Variants in DLGAP1 observed in about 807,000 individuals in gnomAD.
The protein encoded by DLGAP1 is DLG associated protein 1, also known as disks large-associated protein 1.
A neutral mutation model predicts 90.8 loss-of-function variants in DLGAP1; 11 were observed. The observed-to-expected ratio is 0.12, with a 90% confidence interval of 0.08 to 0.20. The LOEUF (loss-of-function observed/expected upper bound fraction) is 0.20, where lower values mean the gene tolerates loss of function less well. Ranked by LOEUF, DLGAP1 falls within the 10% of genes least tolerant of loss-of-function variation. DLGAP1 has a pLI of 1.00. For missense variants in DLGAP1, 1,050 were observed against 1,333.8 expected, an observed-to-expected ratio of 0.79 and a Z score of 3.31; for synonymous variants, 558 against 540.7, an observed-to-expected ratio of 1.03 and a Z score of -0.44.
chr18:4,448,775 T>G (rs2083734252), intron 1 of DLGAP1, among the ~76,000 whole-genome samples: 1 of 152,062 alleles, frequency 6.6e-6, no homozygotes, highest in African/African-American at 2.4e-5. Context: ...TTCATGAAAA[T>G]ACCTAGAAGG....
At chr18:4,386,371 C>T (rs373474350) in intron 1 of DLGAP1, among the ~76,000 whole-genome samples, 1 of 152,120 alleles carries the variant, frequency 6.6e-6, no homozygotes, top group African/African-American at 2.4e-5. Context: ...ATTCACTGAC[C>T]TAGTAAACAT....
Position 3,534,246 on chromosome 18 carries a change from C to G in DLGAP1, c.2427G>C (p.Gly809=). Residue 809 remains glycine (G), a synonymous_variant, in exon 10 of 13, where the codon GGG becomes GGC. Transcript: ENST00000315677. ...CTTCCCGCTCCATCTGTTGACACCA[C>G]CCCTCCATGCGGTCTCGCTCTGCCT... ...LLQAERDRME[G]WCQQMEREER... 6.2e-7 allele frequency: 1 copy of G among 1,614,208 alleles called. No homozygotes were observed. Among genetic ancestry groups the G allele is most frequent in the Non-Finnish European group, 8.5e-7 (1 of 1,180,036 alleles).
chr18:4,298,537 A>C (rs1353857587), intron 1 of DLGAP1, among the ~76,000 whole-genome samples: 1 of 151,424 alleles, frequency 6.6e-6, no homozygotes, highest in Non-Finnish European at 1.5e-5. Context: ...AAAACCAAAC[A>C]CTGCATATTG....
At chr18:3,552,906 C>A (rs2053555068) in intron 9 of DLGAP1, among the ~76,000 whole-genome samples, 1 of 151,988 alleles carries the variant, frequency 6.6e-6, no homozygotes, top group South Asian at 2.1e-4. Flanking sequence ...TCAGCTTTCT[C>A]TGGTCTGCCA....
chr18:4,020,085 G>A (rs185367396), intron 2 of DLGAP1, among the ~76,000 whole-genome samples: 3 of 152,252 alleles, frequency 2.0e-5, no homozygotes, highest in Admixed American at 1.3e-4. Context: ...TAGGGGTTGT[G>A]GAGACCTAGG....
chr18:4,347,470 T>C (rs2081320947), intron 1 of DLGAP1, among the ~76,000 whole-genome samples: 1 of 152,054 alleles, frequency 6.6e-6, no homozygotes, highest in Non-Finnish European at 1.5e-5. Context: ...GCATGCATAG[T>C]ATTATATATC....
intron 5 of DLGAP1, among the ~76,000 whole-genome samples, chr18:3,784,738 G>A (rs1221232402): frequency 2.6e-5 from 4 of 152,172 alleles, no homozygotes; most frequent in African/African-American, 9.7e-5. Context: ...GGGAAAAGGC[G>A]CTGCCAGAAT....
chr18:4,334,267 C>T (rs760505097), intron 1 of DLGAP1, among the ~76,000 whole-genome samples: 6 of 151,768 alleles, frequency 4.0e-5, no homozygotes, highest in South Asian at 2.1e-4. Flanking sequence ...AAAAAAACAA[C>T]GCTCACCTCA....
At chr18:3,947,085 C>T (rs2072891945) in intron 3 of DLGAP1, among the ~76,000 whole-genome samples, 1 of 152,144 alleles carries the variant, frequency 6.6e-6, no homozygotes, top group Non-Finnish European at 1.5e-5. Flanking sequence ...GCTCCACTCC[C>T]TGCAATCCCT....
At chr18:4,229,939 A>G (rs934537820) in intron 1 of DLGAP1, among the ~76,000 whole-genome samples, 2 of 152,140 alleles carry the variant, frequency 1.3e-5, no homozygotes, top group Admixed American at 6.6e-5. Context: ...ACAACTCCAT[A>G]GGAAGAAAGT....
chr18:4,370,767 GTT>G (rs33946209), intron 1 of DLGAP1, among the ~76,000 whole-genome samples: 3 of 150,786 alleles, frequency 2.0e-5, no homozygotes, highest in Admixed American at 6.6e-5. Context: ...ATATGTGTGG[GTT>G]TTTTTTTTCA....
chr18:3,969,263 T>C lies in DLGAP1; in HGVS notation c.-73+35853A>G, dbSNP rs373201545. 3.3e-4 allele frequency among the ~76,000 whole-genome samples: 50 copies of C among 152,272 alleles called. 1 individual carries two copies. The East Asian group carries it at 3.7e-3, about 11-fold the overall frequency. On this transcript the variant is annotated intron_variant, in intron 3 of 12. Transcript: ENST00000315677. ...ATACTAGAAATCTCACTAATGATCA[T>C]GTAGTCAATCAACACACCAATAATT...
chr18:3,674,305 A>G (rs879737940), intron 7 of DLGAP1, among the ~76,000 whole-genome samples: 3,030 of 140,794 alleles, frequency 0.022, 164 homozygotes, highest in African/African-American at 0.081. Context: ...AAATATATAT[A>G]TATATATGTA....
In DLGAP1 at chr18:4,383,552, T is replaced by C. The variant is rs1251341964; in HGVS notation, c.-267+71454A>G. The stretch of plus-strand genomic sequence containing the variant: ...CCTATCAGTTACTGAACAAGCTCTG[T>C]ATGCACTTAGACAAAACCGAGTATC... On this transcript the variant is annotated intron_variant, in intron 1 of 12. Transcript: ENST00000315677. The surrounding 1 kb of genome is among the most constrained non-coding windows in gnomAD (Gnocchi z 4.0). Among the ~76,000 whole-genome samples the C allele has an allele frequency of 5.9e-5, 9 of 152,196 alleles. No homozygotes were observed. In the South Asian group the frequency reaches 1.9e-3, roughly 32 times the overall value.
intron 7 of DLGAP1, chr18:3,680,236 C>G (rs1244464617): frequency 1.3e-5 from 2 of 152,260 alleles, no homozygotes; most frequent in Admixed American, 6.5e-5. Context: ...GAAACAAAAC[C>G]AAAAGTCATT....
intron 1 of DLGAP1, chr18:4,294,248 G>C (rs1265955061): frequency 1.3e-5 from 2 of 152,158 alleles, no homozygotes; most frequent in African/African-American, 2.4e-5. Flanking sequence ...CACTTGTTAT[G>C]TTATATTCCC....
At chr18:3,824,468 ATGT>A (rs1338722149) in intron 4 of DLGAP1, among the ~76,000 whole-genome samples, 1 of 152,212 alleles carries the variant, frequency 6.6e-6, no homozygotes, top group African/African-American at 2.4e-5. Context: ...AAATCTGATA[ATGT>A]TATTATTAAC....
intron 7 of DLGAP1, among the ~76,000 whole-genome samples, chr18:3,710,096 A>C (rs1567995729): frequency 6.6e-6 from 1 of 152,230 alleles, no homozygotes. Flanking sequence ...CGTTTAGCAC[A>C]TATAGCTTGG....
intron 8 of DLGAP1, among the ~76,000 whole-genome samples, chr18:3,574,643 T>A (rs1343266608): frequency 6.6e-6 from 1 of 152,168 alleles, no homozygotes. Context: ...TCCAAAAATC[T>A]CTTTCCAAAT....
Sources: allele counts gnomAD v4.1 joint callset (sites outside exome capture counted in the v4.1 genomes callset), GRCh38; gene constraint gnomAD v4.1.1; non-coding constraint Gnocchi (gnomAD v3.1); transcripts MANE v1.5; gene names NCBI Gene and HGNC (gene_info 2026-07-23, HGNC 2026-07-21).